Variants in C11orf65 observed in about 807,000 individuals in gnomAD.
The protein encoded by C11orf65 is chromosome 11 open reading frame 65, also known as protein MFI.
Under a neutral mutation model 35.3 loss-of-function variants are expected in C11orf65, and 38 were observed. The observed-to-expected ratio is 1.08, with a 90% confidence interval of 0.83 to 1.41. The LOEUF is 1.41. Ranked by LOEUF, C11orf65 falls within the 40% of genes most tolerant of loss-of-function variation. C11orf65 has a pLI of 0.00. For missense variants in C11orf65, 370 were observed against 367.1 expected (o/e 1.01, Z -0.06); for synonymous variants, 105 against 114.4 (o/e 0.92, Z 0.53).
In C11orf65 at chr11:108,407,101, C is replaced by G. The variant is rs757036069; in HGVS notation, c.223G>C (p.Gly75Arg). The G allele has an allele frequency of 1.2e-5, 19 of 1,610,530 alleles. 2 individuals are homozygous for G. In the South Asian group the frequency reaches 2.0e-4, roughly 17 times the overall value. The change falls in exon 4 of 9, where the codon GGT (glycine) becomes CGT (arginine). Residue 75 changes from glycine (G) to arginine (R), a missense_variant. Coordinates refer to ENST00000393084, the MANE Select transcript of C11orf65 (RefSeq NM_152587.5). ...AAGCATTCATCCATACTTACTCCAC[C>G]TAATCTGAATCGCACATGAATGCCA... The part of the protein sequence containing the change: ...AAGIHVRFRL[G>R]GVKFPPDIYY...
intron 2 of C11orf65, among the ~76,000 whole-genome samples, chr11:108,432,680 G>C (rs1048384426): frequency 6.6e-6 from 1 of 152,112 alleles, no homozygotes; most frequent in Non-Finnish European, 1.5e-5. Context: ...GTAACCCATA[G>C]TACCAATATA....
chr11:108,428,020 C>CA (rs1555170798), intron 3 of C11orf65, among the ~76,000 whole-genome samples: 1 of 148,712 alleles, frequency 6.7e-6, no homozygotes, highest in Non-Finnish European at 1.5e-5. Context: ...TTAGTAGAGA[C>CA]GGGTTTCACC....
intron 6 of C11orf65, among the ~76,000 whole-genome samples, chr11:108,399,080 T>C (rs554767360): frequency 1.3e-5 from 2 of 152,228 alleles, no homozygotes; most frequent in East Asian, 1.9e-4. Context: ...TGAGTCTATA[T>C]AGGGCCTCCA....
chr11:108,397,480 G>A (rs2092343879), intron 6 of C11orf65, among the ~76,000 whole-genome samples: 1 of 152,102 alleles, frequency 6.6e-6, no homozygotes, highest in Non-Finnish European at 1.5e-5. Context: ...ACAACAGAGA[G>A]AGAAGTTAAA....
intron 2 of C11orf65, chr11:108,354,901 AT>A (rs747437337): frequency 8.2e-6 from 13 of 1,579,952 alleles, no homozygotes; most frequent in Admixed American, 5.0e-5. Flanking sequence ...GGAAGACTTT[AT>A]TTTTTTTCTT....
At chr11:108,344,541 GC>G (rs2088045128) in intron 2 of C11orf65, among the ~76,000 whole-genome samples, 1 of 152,116 alleles carries the variant, frequency 6.6e-6, no homozygotes, top group Non-Finnish European at 1.5e-5. Context: ...TATCAGACTT[GC>G]ATTTTAGAAA....
intron 3 of C11orf65, among the ~76,000 whole-genome samples, chr11:108,334,429 G>A (rs1019782811): frequency 3.9e-5 from 6 of 152,230 alleles, no homozygotes; most frequent in Middle Eastern, 3.4e-3. Context: ...ACTTAGCTCT[G>A]TTCTAATATT....
chr11:108,457,556 C>A (rs1452996762), intron 2 of C11orf65, among the ~76,000 whole-genome samples: 1 of 151,828 alleles, frequency 6.6e-6, no homozygotes, highest in African/African-American at 2.4e-5. Flanking sequence ...AGGCAGAGAA[C>A]TGATTGAACC....
chr11:108,369,302 G>A (rs796930365), intron 2 of C11orf65, among the ~76,000 whole-genome samples: 9 of 152,252 alleles, frequency 5.9e-5, no homozygotes, highest in African/African-American at 2.2e-4. Context: ...CTGCATCTCA[G>A]TCTAAATATC....
chr11:108,363,073 C>A (rs227094), intron 2 of C11orf65, among the ~76,000 whole-genome samples: 83,001 of 152,054 alleles, frequency 0.55, 23,138 homozygotes, highest in Middle Eastern at 0.74. Flanking sequence ...CGAATTTCCC[C>A]AAATCATTTG....
At chr11:108,431,271 C>T (rs957417842) in intron 3 of C11orf65, among the ~76,000 whole-genome samples, 3 of 151,792 alleles carry the variant, frequency 2.0e-5, no homozygotes, top group African/African-American at 7.3e-5. Flanking sequence ...ATACAAAAGT[C>T]AATCAACTGT....
chr11:108,394,179 CAAA>C (rs11387098), intron 6 of C11orf65, among the ~76,000 whole-genome samples: 4 of 82,648 alleles, frequency 4.8e-5, no homozygotes, highest in African/African-American at 1.2e-4. Flanking sequence ...GACTCCATCT[CAAA>C]AAAAAAAAAA....
intron 2 of C11orf65, among the ~76,000 whole-genome samples, chr11:108,451,155 A>G (rs1409489139): frequency 6.6e-6 from 1 of 151,986 alleles, no homozygotes; most frequent in Non-Finnish European, 1.5e-5. Flanking sequence ...AAGTTCGGGC[A>G]GGGCAATCAG....
downstream of C11orf65, among the ~76,000 whole-genome samples, chr11:108,380,555 C>T (rs1192913737): frequency 6.6e-6 from 1 of 152,184 alleles, no homozygotes; most frequent in African/African-American, 2.4e-5. Flanking sequence ...TGAGGGCCAG[C>T]CAACATGCTC....
intron 2 of C11orf65, among the ~76,000 whole-genome samples, chr11:108,449,698 G>A (rs2093319652): frequency 6.6e-6 from 1 of 151,920 alleles, no homozygotes; most frequent in African/African-American, 2.4e-5. Context: ...AGAAAACCTA[G>A]GCAATACCAT....
At chr11:108,369,009 A>G (rs1247612959) in intron 2 of C11orf65, 1 of 181,578 alleles carries the variant, frequency 5.5e-6, no homozygotes, top group Non-Finnish European at 1.2e-5. Context: ...GAAATTATCT[A>G]TTTTCTATAG....
chr11:108,375,625 A>C (rs1172584919), intron 2 of C11orf65, among the ~76,000 whole-genome samples: 2 of 152,204 alleles, frequency 1.3e-5, no homozygotes, highest in Non-Finnish European at 2.9e-5. Context: ...GATCAAATTC[A>C]CACATAACAA....
rs371279189 is a variant in C11orf65 at position 108,465,934 on chromosome 11, G to A, written c.-10+1537C>T. Reference sequence around the variant, plus strand: ...TGGCAGGCGGAGGTTGCGGTGAGTCGAGATCATGCCACTACTCCAGCCTGG... The same window carrying A: ...TGGCAGGCGGAGGTTGCGGTGAGTCAAGATCATGCCACTACTCCAGCCTGG... On this transcript the variant is annotated intron_variant, in intron 1 of 8. Transcript: ENST00000393084. Among the ~76,000 whole-genome samples the A allele has an allele frequency of 2.7e-3, 412 of 149,868 alleles. 1 individual carries two copies. The highest frequency in any genetic ancestry group is 9.8e-3 in the African/African-American group (400 of 40,820).
chr11:108,458,209 T>C (rs890283998), intron 2 of C11orf65, among the ~76,000 whole-genome samples: 2 of 151,982 alleles, frequency 1.3e-5, no homozygotes, highest in African/African-American at 4.8e-5. Flanking sequence ...CATTATTGGT[T>C]TTCCCTAAAA....
Sources: gnomAD v4.1 joint callset for allele counts (sites outside exome capture counted in the v4.1 genomes callset) on GRCh38, gnomAD v4.1.1 for gene constraint, MANE v1.5 for transcripts, NCBI Gene and HGNC (gene_info 2026-07-23, HGNC 2026-07-21) for gene names.